ARHGEF9: variants seen among roughly 807,000 people sequenced by gnomAD.
The protein encoded by ARHGEF9 is rho guanine nucleotide exchange factor 9.
ARHGEF9 carries 2 observed loss-of-function variants against 41.3 expected under a neutral mutation model. That is an observed-to-expected ratio of 0.05 (90% confidence interval 0.02 to 0.15). The LOEUF is 0.15. ARHGEF9 is among the 10% of genes least tolerant of loss of function. ARHGEF9 has a pLI of 1.00. For synonymous variants in ARHGEF9, 160 were observed against 154.4 expected, an observed-to-expected ratio of 1.04 and a Z score of -0.27; for missense variants, 225 against 424.7, an observed-to-expected ratio of 0.53 and a Z score of 4.13.
chrX:63,754,161 T>G (rs1556444298), intron 1 of ARHGEF9: 4 of 681,287 alleles, frequency 5.9e-6, no homozygotes. Flanking sequence ...GAACGCCACA[T>G]AGATTAAAAA....
intron 5 of ARHGEF9, 61 bp from the exon 6 acceptor site, chrX:63,674,228 G>A: frequency 1.7e-6 from 2 of 1,166,961 alleles, no homozygotes; most frequent in Non-Finnish European, 2.3e-6. Flanking sequence ...AATGTGCTAG[G>A]TGCCAATCTT....
chrX:63,719,943 T>C, intron 2 of ARHGEF9: 1 of 279,284 alleles, frequency 3.6e-6, no homozygotes, highest in Non-Finnish European at 6.3e-6. Flanking sequence ...ACACATGCAA[T>C]AGCACAGGAA....
intron 2 of ARHGEF9, among the ~76,000 whole-genome samples, chrX:63,723,199 A>G (rs1180061941): frequency 2.7e-5 from 3 of 111,556 alleles, no homozygotes; most frequent in African/African-American, 9.8e-5. Context: ...GCACTGTGCT[A>G]GACACCTTAT....
intron 9 of ARHGEF9, among the ~76,000 whole-genome samples, chrX:63,643,360 CTT>C (rs548964367): frequency 1.0e-4 from 10 of 98,197 alleles, no homozygotes; most frequent in East Asian, 3.1e-4. Context: ...TATCTTTATA[CTT>C]TTTTTTTTTT....
chrX:63,734,541 C>T (rs1389051450), intron 1 of ARHGEF9, among the ~76,000 whole-genome samples: 1 of 112,060 alleles, frequency 8.9e-6, no homozygotes, highest in African/African-American at 3.2e-5. Flanking sequence ...CTTAATCTTT[C>T]TGGGACCAGA....
chrX:63,778,092 T>C (rs2147824493), intron 1 of ARHGEF9, among the ~76,000 whole-genome samples: 1 of 113,109 alleles, frequency 8.8e-6, no homozygotes, highest in South Asian at 3.6e-4. Flanking sequence ...AAGTTCTCCA[T>C]GAGGGCTCCA....
intron 1 of ARHGEF9, among the ~76,000 whole-genome samples, chrX:63,772,479 G>A (rs1382175912): frequency 8.9e-6 from 1 of 111,755 alleles, no homozygotes; most frequent in African/African-American, 3.3e-5. Context: ...GCCTAGTACT[G>A]CCATGCACAC....
At chrX:63,780,860 A>G (rs1288357686) in intron 1 of ARHGEF9, among the ~76,000 whole-genome samples, 1 of 111,962 alleles carries the variant, frequency 8.9e-6, no homozygotes, top group Non-Finnish European at 1.9e-5. Flanking sequence ...AAGGTTCAAA[A>G]TCATTCAAGA....
At chrX:63,653,714 A>T (rs1370372113) in intron 8 of ARHGEF9, among the ~76,000 whole-genome samples, 1 of 111,536 alleles carries the variant, frequency 9.0e-6, no homozygotes, top group Non-Finnish European at 1.9e-5. Context: ...TCAGTATGGA[A>T]GTGACAGAGA....
intron 3 of ARHGEF9, among the ~76,000 whole-genome samples, chrX:63,705,828 A>G (rs1167533484): frequency 2.7e-5 from 3 of 111,374 alleles, no homozygotes; most frequent in Admixed American, 9.5e-5. Context: ...CTGCTTAACA[A>G]GCTCCCCCAG....
intron 2 of ARHGEF9, among the ~76,000 whole-genome samples, chrX:63,715,445 GA>G (rs782684709): frequency 5.2e-3 from 498 of 96,055 alleles, no homozygotes; most frequent in African/African-American, 6.9e-3. Flanking sequence ...ATTTAGAAAA[GA>G]AAAAAAAAAA....
At chrX:63,694,119 G>T (rs1370215020) in intron 4 of ARHGEF9, among the ~76,000 whole-genome samples, 2 of 108,333 alleles carry the variant, frequency 1.8e-5, no homozygotes, top group African/African-American at 3.4e-5. Flanking sequence ...GGAGGCAGAG[G>T]TTGCTACAAG....
At chrX:63,758,719 T>G (rs1310103805) in intron 1 of ARHGEF9, among the ~76,000 whole-genome samples, 1 of 112,351 alleles carries the variant, frequency 8.9e-6, no homozygotes, top group Non-Finnish European at 1.9e-5. Flanking sequence ...CCAGAAGGCT[T>G]TCTCTAATGT....
chrX:63,674,103 G>A lies in ARHGEF9; in HGVS notation c.880C>T (p.Arg294Cys), dbSNP rs2050116966. 1.7e-6 allele frequency: 2 copies of A among 1,210,755 alleles called. No individual in the cohort carries two copies. The highest frequency in any genetic ancestry group is 3.0e-5 in the East Asian group (1 of 33,806). The stretch of plus-strand genomic sequence containing the variant: ...TCAATATTCTCTAAACGTCGCTTGC[G>A]TTCGTTGATCTGCTGAGTCACATTT... ...MRNVTQQINE[R>C]KRRLENIDKI... Residue 294 changes from arginine (R) to cysteine (C), a missense_variant, in exon 6 of 10, where the codon CGC (arginine) becomes TGC (cysteine). This residue lies in a region of ARHGEF9 where 36 missense variants were observed against 113.6 expected (regional missense o/e 0.32). Coordinates refer to ENST00000671741, the MANE Select transcript of ARHGEF9 (RefSeq NM_001353921.2).
At chrX:63,685,851 TA>T (rs1261099608) in intron 4 of ARHGEF9, among the ~76,000 whole-genome samples, 1 of 111,655 alleles carries the variant, frequency 9.0e-6, no homozygotes, top group African/African-American at 3.3e-5. Flanking sequence ...CTTCTATTTT[TA>T]AAAAAGTAGA....
At chrX:63,765,408 A>C (rs782049203) in intron 1 of ARHGEF9, among the ~76,000 whole-genome samples, 4 of 110,509 alleles carry the variant, frequency 3.6e-5, no homozygotes, top group Admixed American at 9.6e-5. Context: ...AAAAAAAAAA[A>C]CCCTCGCTTA....
intron 1 of ARHGEF9, among the ~76,000 whole-genome samples, chrX:63,766,032 C>T (rs1275324736): frequency 8.9e-6 from 1 of 112,219 alleles, no homozygotes; most frequent in East Asian, 2.8e-4. Context: ...TTTCTTATCC[C>T]TCTTCCCCGC....
rs2052545238 is a variant in ARHGEF9 at position 63,706,384 on chromosome X, G to A, written c.276C>T (p.Asp92=). ...CCAGACAGAGGCAGTCTGAATTGGG[G>A]TCCAGGTGTCCGTTCTGCACATCGC... ...GPSDVQNGHL[D]PNSDCLCLGR... The change falls in exon 3 of 10, where the codon GAC becomes GAT. Residue 92 remains aspartate, a synonymous_variant. Transcript: ENST00000671741. 1 of 1,206,482 alleles carries A rather than the reference G, an allele frequency of 8.3e-7. No individual in the cohort carries two copies. Among genetic ancestry groups the A allele is most frequent in the South Asian group, 1.8e-5 (1 of 55,720 alleles).
At chrX:63,691,753 T>C (rs2051362089) in intron 4 of ARHGEF9, among the ~76,000 whole-genome samples, 1 of 110,619 alleles carries the variant, frequency 9.0e-6, no homozygotes, top group Non-Finnish European at 1.9e-5. Flanking sequence ...GCCAAAGCAA[T>C]CCCGAGCAAA....
Sources: allele counts gnomAD v4.1 joint callset (sites outside exome capture counted in the v4.1 genomes callset), GRCh38; gene constraint gnomAD v4.1.1; regional missense constraint gnomAD v4.1.1; transcripts MANE v1.5; gene names NCBI Gene and HGNC (gene_info 2026-07-23, HGNC 2026-07-21).